Variants in PXDNL observed in about 807,000 individuals in gnomAD.
The protein encoded by PXDNL is probable oxidoreductase PXDNL.
In PXDNL, 145 loss-of-function variants were observed where a neutral mutation model predicts 150.8. The observed-to-expected ratio is 0.96, with a 90% confidence interval of 0.84 to 1.10. The LOEUF (loss-of-function observed/expected upper bound fraction) is 1.10. PXDNL is among the 50% of genes least tolerant of loss of function. The pLI is 0.00. For synonymous variants in PXDNL, 757 were observed against 725.7 expected (o/e 1.04, Z -0.69); for missense variants, 2,087 against 1,873.9 (o/e 1.11, Z -2.10).
intron 19 of PXDNL, among the ~76,000 whole-genome samples, chr8:51,358,066 T>C (rs1806574665): frequency 6.6e-6 from 1 of 152,206 alleles, no homozygotes; most frequent in African/African-American, 2.4e-5. Context: ...ATAAACATGA[T>C]GTCACACCAA....
intron 1 of PXDNL, among the ~76,000 whole-genome samples, chr8:51,670,067 T>C (rs1035445489): frequency 6.6e-6 from 1 of 152,130 alleles, no homozygotes. Context: ...TGAAACCCCA[T>C]CTCTACTAAA....
At chr8:51,715,059 G>A (rs1388495661) in intron 1 of PXDNL, among the ~76,000 whole-genome samples, 1 of 152,126 alleles carries the variant, frequency 6.6e-6, no homozygotes, top group Non-Finnish European at 1.5e-5. Context: ...CTCTTTAAAA[G>A]GCCTCTGTTG....
At chr8:51,329,476 T>G (rs1805615004) in intron 21 of PXDNL, among the ~76,000 whole-genome samples, 1 of 152,162 alleles carries the variant, frequency 6.6e-6, no homozygotes, top group African/African-American at 2.4e-5. Context: ...CATGTATGGC[T>G]TTAAACAAAA....
At chr8:51,435,895 A>G in intron 12 of PXDNL, 1 of 470,986 alleles carries the variant, frequency 2.1e-6, no homozygotes, top group South Asian at 1.7e-5. Flanking sequence ...ATGGATCGTA[A>G]GCATAAATAA....
intron 1 of PXDNL, among the ~76,000 whole-genome samples, chr8:51,660,698 CAGAA>C (rs1276982431): frequency 1.3e-5 from 2 of 152,186 alleles, no homozygotes; most frequent in East Asian, 1.9e-4. Context: ...CCTGCCACCG[CAGAA>C]AGAAAGGCAA....
Position 51,372,011 on chromosome 8 carries a change from G to C in PXDNL, c.3763C>G (p.Arg1255Gly), listed in dbSNP as rs370932626. 1 of 1,612,808 alleles carries C rather than the reference G, an allele frequency of 6.2e-7. No homozygotes were observed. The highest frequency in any genetic ancestry group is 2.2e-5 in the East Asian group (1 of 44,850). ...LTQLKQASLSRVLCDNGDSIQ... is the reference protein window; with the variant it reads ...LTQLKQASLSGVLCDNGDSIQ... ...CTGTCACCATTGTCACAAAGCACCCGGCTCAGGGACGCCTGCTTCAGCTGA... is the reference window on the plus strand; with the variant it reads ...CTGTCACCATTGTCACAAAGCACCCCGCTCAGGGACGCCTGCTTCAGCTGA... Residue 1255 changes from arginine (R) to glycine (G), a missense_variant, in exon 19 of 23, where the codon CGG (arginine) becomes GGG (glycine). Arg to Gly is a moderately radical substitution (Grantham distance 125, BLOSUM62 -2). Coordinates refer to ENST00000356297, the MANE Select transcript of PXDNL (RefSeq NM_144651.5).
intron 21 of PXDNL, among the ~76,000 whole-genome samples, chr8:51,330,238 T>A (rs978891789): frequency 2.0e-5 from 3 of 152,182 alleles, no homozygotes; most frequent in African/African-American, 7.2e-5. Flanking sequence ...GATCCAGAAT[T>A]TGACACATAA....
At chr8:51,375,226 C>T (rs1002529689) in intron 17 of PXDNL, among the ~76,000 whole-genome samples, 1 of 152,160 alleles carries the variant, frequency 6.6e-6, no homozygotes, top group African/African-American at 2.4e-5. Flanking sequence ...TAAGTTTTCT[C>T]TTGATAAAAA....
At chr8:51,531,759 T>C (rs1387730611) in intron 4 of PXDNL, among the ~76,000 whole-genome samples, 1 of 152,104 alleles carries the variant, frequency 6.6e-6, no homozygotes, top group Non-Finnish European at 1.5e-5. Context: ...ATCTGAAAAG[T>C]CTTGGAGGTG....
intron 4 of PXDNL, among the ~76,000 whole-genome samples, chr8:51,506,925 C>A (rs925950341): frequency 2.2e-4 from 34 of 152,208 alleles, no homozygotes; most frequent in Non-Finnish European, 4.1e-4. Context: ...TGGAAACTCT[C>A]CGATTTTTTT....
intron 3 of PXDNL, among the ~76,000 whole-genome samples, chr8:51,570,101 C>T (rs1454355277): frequency 6.6e-6 from 1 of 151,862 alleles, no homozygotes; most frequent in Non-Finnish European, 1.5e-5. Flanking sequence ...AGCAGTGAGA[C>T]ACAAGTAGAC....
intron 1 of PXDNL, among the ~76,000 whole-genome samples, chr8:51,689,071 C>T (rs904025588): frequency 2.0e-5 from 3 of 152,310 alleles, no homozygotes; most frequent in Admixed American, 1.3e-4. Context: ...ACCCAACAGG[C>T]GCACTCCTGG....
At chr8:51,436,212 C>A in intron 12 of PXDNL, 2 of 521,880 alleles carry the variant, frequency 3.8e-6, no homozygotes. Context: ...CATTCGTGGG[C>A]CATGTGTTGA....
At chr8:51,409,996 G>C (rs1808581673) in intron 16 of PXDNL, among the ~76,000 whole-genome samples, 1 of 152,208 alleles carries the variant, frequency 6.6e-6, no homozygotes, top group Admixed American at 6.5e-5. Context: ...CAAGAACGAT[G>C]TTGGCAAGGA....
At chr8:51,638,850 C>A (rs1306113486) in intron 2 of PXDNL, among the ~76,000 whole-genome samples, 1 of 152,112 alleles carries the variant, frequency 6.6e-6, no homozygotes, top group Non-Finnish European at 1.5e-5. Context: ...ACCAAGCAGA[C>A]CTAATAGACA....
chr8:51,591,861 G>A (rs1013967118), intron 3 of PXDNL, among the ~76,000 whole-genome samples: 5 of 152,088 alleles, frequency 3.3e-5, no homozygotes, highest in African/African-American at 1.2e-4. Flanking sequence ...CTCGTGATCC[G>A]CCCGCCTGGG....
At chr8:51,763,697 T>C (rs536805895) in intron 1 of PXDNL, among the ~76,000 whole-genome samples, 1 of 152,358 alleles carries the variant, frequency 6.6e-6, no homozygotes, top group South Asian at 2.1e-4. Flanking sequence ...CTGAATATTT[T>C]ATACTTTTAT....
chr8:51,541,253 T>TAAATAAAGAA (rs1554551076), intron 4 of PXDNL, among the ~76,000 whole-genome samples: 1,802 of 127,180 alleles, frequency 0.014, 13 homozygotes, highest in African/African-American at 0.019. Context: ...TGAGACTCCA[T>TAAATAAAGAA]AAAAAAAAAA....
At chr8:51,767,006 C>T (rs2037239045) in intron 1 of PXDNL, among the ~76,000 whole-genome samples, 2 of 152,008 alleles carry the variant, frequency 1.3e-5, no homozygotes, top group Non-Finnish European at 2.9e-5. Context: ...TTTTTCTTCA[C>T]ACTTTTTAAA....
Sources: gnomAD v4.1 joint callset for allele counts (sites outside exome capture counted in the v4.1 genomes callset) on GRCh38, gnomAD v4.1.1 for gene constraint, MANE v1.5 for transcripts, NCBI Gene and HGNC (gene_info 2026-07-23, HGNC 2026-07-21) for gene names.